EEFSEC: variants seen among roughly 807,000 people sequenced by gnomAD.
EEFSEC encodes eukaryotic elongation factor, selenocysteine-tRNA specific.
In EEFSEC, 43 loss-of-function variants were observed where a neutral mutation model predicts 42.1. The observed-to-expected ratio is 1.02, with a 90% CI of 0.80 to 1.32. The LOEUF (loss-of-function observed/expected upper bound fraction) is 1.32. EEFSEC is among the 40% of genes most tolerant of loss of function. The probability of loss-of-function intolerance (pLI) is 0.00; values close to 1 mark genes in which losing one functional copy is unlikely to be tolerated. For missense variants in EEFSEC, 745 were observed against 803.6 expected (o/e 0.93, Z 0.88); for synonymous variants, 354 against 339.1 (o/e 1.04, Z -0.48).
intron 4 of EEFSEC, among the ~76,000 whole-genome samples, chr3:128,304,532 C>T (rs752367676): frequency 7.2e-5 from 11 of 151,952 alleles, no homozygotes; most frequent in Non-Finnish European, 1.6e-4. Flanking sequence ...TTGTCTTTTC[C>T]GTTGATTCTC....
At chr3:128,257,134 G>A (rs571426514) in intron 2 of EEFSEC, among the ~76,000 whole-genome samples, 1 of 152,252 alleles carries the variant, frequency 6.6e-6, no homozygotes, top group African/African-American at 2.4e-5. Context: ...ATCACTGTGG[G>A]CAGCAACTGT....
At chr3:128,189,549 ACTT>A (rs1293592708) in intron 1 of EEFSEC, among the ~76,000 whole-genome samples, 3 of 143,136 alleles carry the variant, frequency 2.1e-5, no homozygotes, top group South Asian at 2.2e-4. Flanking sequence ...TACTCCTTCG[ACTT>A]CTTTTCTTTT....
the EEFSEC span, among the ~76,000 whole-genome samples, chr3:128,423,486 A>AAAT: frequency 4.0e-5 from 6 of 151,884 alleles, no homozygotes; most frequent in African/African-American, 1.5e-4. Context: ...CTCAATAAAT[A>AAAT]AATAAATAAA....
chr3:128,170,093 C>T (rs2065279950), intron 1 of EEFSEC, among the ~76,000 whole-genome samples: 1 of 152,168 alleles, frequency 6.6e-6, no homozygotes, highest in South Asian at 2.1e-4. Context: ...ACCTCAGAAC[C>T]AGAACTGGAC....
At chr3:128,252,328 C>T (rs1174121576) in intron 2 of EEFSEC, among the ~76,000 whole-genome samples, 8 of 152,122 alleles carry the variant, frequency 5.3e-5, no homozygotes, top group East Asian at 1.9e-4. Flanking sequence ...TGTGCTTGGG[C>T]GACTCACTCC....
intron 2 of EEFSEC, among the ~76,000 whole-genome samples, chr3:128,251,925 T>G (rs2066191130): frequency 6.6e-6 from 1 of 152,264 alleles, no homozygotes; most frequent in Admixed American, 6.5e-5. Flanking sequence ...CACAATCTTC[T>G]CAATGCATCA....
At position 128,244,138 on chromosome 3, in the gene EEFSEC, G is replaced by T. The variant is rs1360462147; in HGVS notation, c.317-2698G>T. On this transcript the variant is annotated intron_variant, in intron 1 of 6. Coordinates refer to ENST00000254730, the MANE Select transcript of EEFSEC (RefSeq NM_021937.5). The stretch of plus-strand genomic sequence containing the variant: ...CATTCTGCTGTGAAGGTGGAGACTG[G>T]AAAATAGGCTGGGCCCCCAACGTGT... Among the ~76,000 whole-genome samples the T allele has an allele frequency of 4.6e-5, 7 of 152,194 alleles. No individual in the cohort carries two copies. In the South Asian group the frequency reaches 6.2e-4, roughly 14 times the overall value.
At chr3:128,204,318 A>G (rs928103019) in intron 1 of EEFSEC, among the ~76,000 whole-genome samples, 16 of 152,234 alleles carry the variant, frequency 1.1e-4, no homozygotes, top group African/African-American at 3.9e-4. Context: ...ATGAATTAGT[A>G]TGTAAAGTAC....
At chr3:128,183,583 A>T (rs970035991) in intron 1 of EEFSEC, among the ~76,000 whole-genome samples, 1 of 152,226 alleles carries the variant, frequency 6.6e-6, no homozygotes, top group Non-Finnish European at 1.5e-5. Flanking sequence ...CTGGAACAAG[A>T]TGCATCATTT....
intron 2 of EEFSEC, among the ~76,000 whole-genome samples, chr3:128,251,495 G>A (rs1032506074): frequency 6.6e-6 from 1 of 152,164 alleles, no homozygotes; most frequent in Admixed American, 6.5e-5. Context: ...AGAAAATAGT[G>A]TTTTAGTAGA....
chr3:128,257,130 G>A (rs2066249295), intron 2 of EEFSEC, among the ~76,000 whole-genome samples: 1 of 152,164 alleles, frequency 6.6e-6, no homozygotes, highest in African/African-American at 2.4e-5. Context: ...TTGCATCACT[G>A]TGGGCAGCAA....
chr3:128,259,785 T>C (rs890951551), intron 2 of EEFSEC, among the ~76,000 whole-genome samples: 2 of 152,170 alleles, frequency 1.3e-5, no homozygotes, highest in African/African-American at 4.8e-5. Flanking sequence ...CCTAGCACAG[T>C]GTTTTTGTGG....
At chr3:128,284,934 G>A (rs1337564242) in intron 4 of EEFSEC, among the ~76,000 whole-genome samples, 1 of 150,904 alleles carries the variant, frequency 6.6e-6, no homozygotes, top group Admixed American at 6.6e-5. Flanking sequence ...AATGCAATAT[G>A]TAAGGAGAAG....
chr3:128,240,084 G>A (rs1345404946), intron 1 of EEFSEC, among the ~76,000 whole-genome samples: 1 of 152,236 alleles, frequency 6.6e-6, no homozygotes, highest in Non-Finnish European at 1.5e-5. Context: ...GCCCAGGTGG[G>A]TGCTAGGTCA....
chr3:128,374,450 G>A (rs529023178), intron 6 of EEFSEC, among the ~76,000 whole-genome samples: 1 of 152,104 alleles, frequency 6.6e-6, no homozygotes. Flanking sequence ...ATCAACCTTT[G>A]AGTGTGGGCC....
chr3:128,265,867 A>C (rs566237507), intron 4 of EEFSEC, among the ~76,000 whole-genome samples: 1 of 152,362 alleles, frequency 6.6e-6, no homozygotes, highest in African/African-American at 2.4e-5. Flanking sequence ...AAATATGTAG[A>C]TATCTGTATC....
intron 5 of EEFSEC, among the ~76,000 whole-genome samples, chr3:128,342,822 C>T (rs1260407000): frequency 1.3e-5 from 2 of 152,254 alleles, no homozygotes; most frequent in Non-Finnish European, 2.9e-5. Flanking sequence ...GTGGAATCAC[C>T]TCCTCCCATG....
intron 4 of EEFSEC, among the ~76,000 whole-genome samples, chr3:128,275,464 G>A (rs2066458206): frequency 6.6e-6 from 1 of 152,218 alleles, no homozygotes; most frequent in Non-Finnish European, 1.5e-5. Context: ...TCCAGATACT[G>A]TTGATGCGTG....
At chr3:128,351,207 A>C (rs1344935951) in intron 5 of EEFSEC, among the ~76,000 whole-genome samples, 1 of 152,152 alleles carries the variant, frequency 6.6e-6, no homozygotes, top group Admixed American at 6.5e-5. Flanking sequence ...TCTCTTGGGC[A>C]GATTAGATAA....
Sources: allele counts gnomAD v4.1 joint callset (sites outside exome capture counted in the v4.1 genomes callset), GRCh38; gene constraint gnomAD v4.1.1; transcripts MANE v1.5; gene names NCBI Gene and HGNC (gene_info 2026-07-23, HGNC 2026-07-21).